Variants in SLC1A7 observed in about 807,000 individuals in gnomAD.
SLC1A7 encodes solute carrier family 1 member 7.
In SLC1A7, 40 loss-of-function variants were observed where a neutral mutation model predicts 47.7. The ratio of observed to expected loss-of-function variants is 0.84; its 90% CI spans 0.65 to 1.09. The LOEUF is 1.09. SLC1A7 is among the 50% of genes least tolerant of loss of function. The pLI is 0.00. For synonymous variants in SLC1A7, 323 were observed against 325.6 expected (o/e 0.99, Z 0.09); for missense variants, 746 against 769.5 (o/e 0.97, Z 0.36).
intron 5 of SLC1A7, among the ~76,000 whole-genome samples, chr1:53,096,244 A>AAACTTACACAC (rs1644488898): frequency 6.7e-6 from 1 of 150,324 alleles, no homozygotes; most frequent in African/African-American, 2.5e-5. Context: ...CTGCCTTGGT[A>AAACTTACACAC]CACTCAAACC....
rs151023625 is a variant in SLC1A7 at position 53,133,442 on chromosome 1, G to A, written c.215+908C>T. Among the ~76,000 whole-genome samples, 7 of 152,202 alleles carry A rather than the reference G, an allele frequency of 4.6e-5. No homozygotes were observed. The East Asian group carries it at 9.7e-4, about 21-fold the overall frequency. ...TGGGGATTATCTCCACTTCACAAAG[G>A]GGGGAGGTCCAAGGAGCTGGCTCAC... On this transcript the variant is annotated intron_variant, in intron 2 of 10. Transcript: ENST00000371494.
Position 53,129,576 on chromosome 1 carries a change from G to T in SLC1A7, c.215+4774C>A, listed in dbSNP as rs1037832303. ...TTGGAGAAATTCTAGAAAAAAAAGA[G>T]CCCACAGCTGGAAGATGCCAGATTA... On this transcript the variant is annotated intron_variant, in intron 2 of 10. Transcript: ENST00000371494. Among the ~76,000 whole-genome samples, 38 of 133,808 alleles carry T rather than the reference G, an allele frequency of 2.8e-4. 1 individual carries two copies. The highest frequency in any genetic ancestry group is 9.8e-4 in the African/African-American group (36 of 36,550). 87.8% of individuals were successfully genotyped at this position (133,808 alleles called of 152,430 possible).
chr1:53,093,517 G>C lies in SLC1A7; in HGVS notation c.741C>G (p.Val247=), dbSNP rs534593791. The C allele has an allele frequency of 1.3e-5, 21 of 1,610,148 alleles. No individual in the cohort carries two copies. Among genetic ancestry groups the C allele is most frequent in the East Asian group, 1.1e-4 (5 of 44,838 alleles). ...ACTCATTGAGGCACTGGCAGAAGCT[G>C]ACCAGGGGGGCCCCGCTGTCACCCA... ...GRMGDSGAPL[V]SFCQCLNESV... is the part of the protein sequence containing the mutation. The change falls in exon 6 of 11, where the codon GTC becomes GTG. Residue 247 remains valine, a synonymous_variant. Transcript: ENST00000371494.
chr1:53,126,259 C>T (rs116396837), intron 2 of SLC1A7, among the ~76,000 whole-genome samples: 1 of 152,228 alleles, frequency 6.6e-6, no homozygotes, highest in Non-Finnish European at 1.5e-5. Context: ...CTGGTGGAGG[C>T]AATTCAGGCC....
At chr1:53,102,038 C>G (rs930240292) in intron 5 of SLC1A7, among the ~76,000 whole-genome samples, 1 of 152,238 alleles carries the variant, frequency 6.6e-6, no homozygotes, top group Non-Finnish European at 1.5e-5. Context: ...CAAGGGTCTC[C>G]GGTTCTTTTG....
chr1:53,091,952 C>T (rs537412509), intron 7 of SLC1A7, among the ~76,000 whole-genome samples: 1 of 152,356 alleles, frequency 6.6e-6, no homozygotes, highest in East Asian at 1.9e-4. Context: ...GTTTGGGATC[C>T]TTAAGGCCAA....
intron 5 of SLC1A7, among the ~76,000 whole-genome samples, chr1:53,101,370 TCA>T (rs1318351465): frequency 6.9e-6 from 1 of 145,706 alleles, no homozygotes; most frequent in Non-Finnish European, 1.5e-5. Flanking sequence ...TTTGGTACAC[TCA>T]CACACACTGC....
chr1:53,096,191 C>T (rs574642467), intron 5 of SLC1A7, among the ~76,000 whole-genome samples: 5 of 150,300 alleles, frequency 3.3e-5, no homozygotes, highest in African/African-American at 9.8e-5. Flanking sequence ...ACATGCCCCA[C>T]GTTGTTACTT....
chr1:53,119,768 G>C (rs1265004005), intron 2 of SLC1A7, among the ~76,000 whole-genome samples: 1 of 152,138 alleles, frequency 6.6e-6, no homozygotes, highest in African/African-American at 2.4e-5. Flanking sequence ...CCCATTGTTG[G>C]AGGCATCCAG....
At chr1:53,135,560 T>C (rs952013359) in intron 1 of SLC1A7, among the ~76,000 whole-genome samples, 1 of 152,186 alleles carries the variant, frequency 6.6e-6, no homozygotes, top group Non-Finnish European at 1.5e-5. Flanking sequence ...AGGCGCCAAC[T>C]CCTTGCCCAA....
rs952434730 is a variant in SLC1A7, at chr1:53,092,558, A to T, written c.1027T>A (p.Ser343Thr). 2 of 1,609,492 alleles carry T rather than the reference A, an allele frequency of 1.2e-6. No individual in the cohort carries two copies. The highest frequency in any genetic ancestry group is 3.3e-5 in the Admixed American group (2 of 60,018). ...QALLIALATS[S>T]SSATLPITFK... ...CCTGCCCGTCCCCGGGGCTACCTGG[A>T]GGAGGTGGCCAGCGCGATGAGCAGA... The change falls in exon 7 of 11, where the codon TCC becomes ACC. Residue 343 changes from serine (S) to threonine (T), a missense_variant. By Grantham distance (58) the Ser-to-Thr change is moderately conservative. Transcript: ENST00000371494.
At chr1:53,126,687 C>A (rs1041222453) in intron 2 of SLC1A7, among the ~76,000 whole-genome samples, 1 of 152,202 alleles carries the variant, frequency 6.6e-6, no homozygotes, top group African/African-American at 2.4e-5. Flanking sequence ...AGCTCTGGGG[C>A]CCAGACAGTT....
chr1:53,106,814 A>G (rs1466739561), intron 3 of SLC1A7, among the ~76,000 whole-genome samples: 2 of 152,236 alleles, frequency 1.3e-5, no homozygotes, highest in African/African-American at 4.8e-5. Context: ...TTAGATGCTT[A>G]CACCAAAATA....
chr1:53,139,181 T>C (rs1645031272), intron 1 of SLC1A7, among the ~76,000 whole-genome samples: 1 of 152,290 alleles, frequency 6.6e-6, no homozygotes, highest in Admixed American at 6.5e-5. Context: ...CAGGGCAGGG[T>C]GACAGGTGCT....
chr1:53,109,253 C>A (rs1443495628), intron 3 of SLC1A7, among the ~76,000 whole-genome samples: 1 of 152,122 alleles, frequency 6.6e-6, no homozygotes, highest in Non-Finnish European at 1.5e-5. Context: ...TTCCCAAGCA[C>A]AGCTCCTGGA....
intron 2 of SLC1A7, chr1:53,115,238 G>A: frequency 1.8e-6 from 1 of 554,740 alleles, no homozygotes. Context: ...GGTGGCTGTG[G>A]GATGGTGGGG....
At chr1:53,120,559 G>A (rs1018391248) in intron 2 of SLC1A7, among the ~76,000 whole-genome samples, 4 of 152,156 alleles carry the variant, frequency 2.6e-5, no homozygotes, top group African/African-American at 9.7e-5. Context: ...CCTCCCGCCT[G>A]GAACTCTCCA....
chr1:53,120,252 C>A (rs1644804631), intron 2 of SLC1A7, among the ~76,000 whole-genome samples: 1 of 152,116 alleles, frequency 6.6e-6, no homozygotes, highest in South Asian at 2.1e-4. Flanking sequence ...GACTCCTGAC[C>A]CCATCTCACA....
intron 2 of SLC1A7, among the ~76,000 whole-genome samples, chr1:53,117,550 T>A (rs1357306053): frequency 1.3e-5 from 2 of 152,178 alleles, no homozygotes; most frequent in African/African-American, 2.4e-5. Flanking sequence ...GGAAGGGTGT[T>A]CCTAAATCAA....
Sources: gnomAD v4.1 joint callset for allele counts (sites outside exome capture counted in the v4.1 genomes callset) on GRCh38, gnomAD v4.1.1 for gene constraint, MANE v1.5 for transcripts, NCBI Gene and HGNC (gene_info 2026-07-23, HGNC 2026-07-21) for gene names.